The following CSTB variants were observed in gnomAD, a reference collection of about 807,000 sequenced individuals.
CSTB encodes cystatin-B.
CSTB carries 8 observed loss-of-function variants against 7.6 expected under a neutral mutation model. That is an observed-to-expected ratio of 1.05 (90% CI 0.62 to 1.89). The LOEUF (loss-of-function observed/expected upper bound fraction) is 1.89. Ranked by LOEUF, CSTB falls within the 40% of genes most tolerant of loss-of-function variation. The pLI is 0.00. For missense variants in CSTB, 124 were observed against 126.4 expected (o/e 0.98, Z 0.09); for synonymous variants, 56 against 55.3 (o/e 1.01, Z -0.06).
intron 2 of CSTB, 142 bp downstream of exon 2, chr21:43,774,516 G>T: frequency 1.8e-6 from 2 of 1,130,508 alleles, no homozygotes; most frequent in East Asian, 2.4e-5. Flanking sequence ...CTGAAAGGCC[G>T]ATGGACACAC....
chr21:43,774,370 G>A (rs770886255), intron 2 of CSTB, 40 bp from the exon 3 acceptor site: 5 of 1,613,736 alleles, frequency 3.1e-6, no homozygotes, highest in African/African-American at 2.7e-5. Context: ...CTGATCCCAA[G>A]TCACCTTGCT....
At chr21:43,776,083 C>G in intron 1 of CSTB, 121 bp downstream of exon 1, 1 of 939,794 alleles carries the variant, frequency 1.1e-6, no homozygotes, top group African/African-American at 1.8e-5. Context: ...ACGGCCACAG[C>G]CCGGGCCAGC....
Position 43,774,226 on chromosome 21 carries a change from C to T in CSTB, c.273G>A (p.Lys91=), listed in dbSNP as rs540215875. ...ATCAGAAATAGGTCAGCTCATCATG[C>T]TTGGCTTTGTTGGTCTGGTAGTTAG... ...TLSNYQTNKA[K]HDELTYF Residue 91 remains lysine (K), a synonymous_variant, in exon 3 of 3, where the codon AAG becomes AAA. Transcript: ENST00000291568. 1.2e-6 allele frequency: 2 copies of T among 1,614,210 alleles called. No homozygotes were observed. Among genetic ancestry groups the T allele is most frequent in the African/African-American group, 2.7e-5 (2 of 75,054 alleles).
In CSTB at chr21:43,774,289, G is replaced by A. The variant is rs1569005524; in HGVS notation, c.210C>T (p.Phe70=). 1.9e-6 allele frequency: 3 copies of A among 1,614,186 alleles called. No homozygotes were observed. Among genetic ancestry groups the A allele is most frequent in the Non-Finnish European group, 1.7e-6 (2 of 1,180,038 alleles). ...GDEDFVHLRV[F]QSLPHENKPL... The stretch of plus-strand genomic sequence containing the variant: ...GCTTGTTTTCATGAGGGAGAGATTG[G>A]AACACTCGCAGGTGTACGAAGTCCT... The change falls in exon 3 of 3, where the codon TTC becomes TTT. Residue 70 remains phenylalanine, a synonymous_variant. Transcript: ENST00000291568.
rs2084002305 is a variant in CSTB at position 43,774,763 on chromosome 21, G to C, written c.67-4C>G. 1 of 1,606,978 alleles carries C rather than the reference G, an allele frequency of 6.2e-7. No homozygotes were observed. The highest frequency in any genetic ancestry group is 8.5e-7 in the Non-Finnish European group (1 of 1,173,606). On this transcript the variant is annotated splice_polypyrimidine_tract_variant and splice_region_variant and intron_variant, in intron 1 of 2. Coordinates refer to ENST00000291568, the MANE Select transcript of CSTB (RefSeq NM_000100.4). ...TCTCTTCAAGCTGGGACCTCACCTA[G>C]ACAGAAGGGACAGAATGAGGATGTC...
intron 1 of CSTB, chr21:43,775,944 T>C: frequency 2.3e-6 from 1 of 431,280 alleles, no homozygotes. Flanking sequence ...GACCGCACCC[T>C]GCTCCGGGCT....
Position 43,774,054 on chromosome 21 carries a change from G to T in CSTB, c.*148C>A. The T allele has an allele frequency of 2.2e-6, 2 of 903,680 alleles. No homozygotes were observed. Among genetic ancestry groups the T allele is most frequent in the African/African-American group, 1.7e-5 (1 of 60,366 alleles). 56.0% of individuals were successfully genotyped at this position (903,680 alleles called of 1,614,324 possible). A position where few individuals can be genotyped will look rare whatever the true frequency, so the allele number is the denominator to read the frequency against. ...CACAATGAAATTTAGGAAGAGAAAT[G>T]CAAAAGCAGCTGCAGAATCCTGCCC... On this transcript the variant is annotated 3_prime_UTR_variant, in exon 3 of 3. Coordinates refer to ENST00000291568, the MANE Select transcript of CSTB (RefSeq NM_000100.4).
At chr21:43,776,080 C>T in intron 1 of CSTB, 124 bp downstream of exon 1, 1 of 883,174 alleles carries the variant, frequency 1.1e-6, no homozygotes, top group Non-Finnish European at 1.6e-6. Flanking sequence ...CTCACGGCCA[C>T]AGCCCGGGCC....
chr21:43,774,885 C>G lies in CSTB; in HGVS notation c.67-126G>C. Reference sequence around the variant, plus strand: ...TGGCTCTTCACACAATTGTCTCTTACAACTGAAGGGACATTTAAACTGTCA... The same window carrying G: ...TGGCTCTTCACACAATTGTCTCTTAGAACTGAAGGGACATTTAAACTGTCA... On this transcript the variant is annotated intron_variant, in intron 1 of 2. Transcript: ENST00000291568. 3 of 756,568 alleles carry G rather than the reference C, an allele frequency of 4.0e-6. No individual in the cohort carries two copies. The South Asian group carries it at 4.2e-5, about 11-fold the overall frequency. 46.9% of individuals were successfully genotyped at this position (756,568 alleles called of 1,614,324 possible).
At chr21:43,775,022 G>C (rs563722722) in intron 1 of CSTB, 96 of 512,114 alleles carry the variant, frequency 1.9e-4, no homozygotes, top group Non-Finnish European at 2.8e-4. Context: ...TCAGGAGTTT[G>C]AGACCAGCCT....
Position 43,774,195 on chromosome 21 carries a change from G to C in CSTB, c.*7C>G, listed in dbSNP as rs201576714. On this transcript the variant is annotated 3_prime_UTR_variant, in exon 3 of 3. Transcript: ENST00000291568. ...TTCTGGCTGAAGGGCCTTGTCCAAA[G>C]TCAGGATCAGAAATAGGTCAGCTCA... is the stretch of plus-strand genomic sequence containing the variant. The C allele has an allele frequency of 2.7e-4, 430 of 1,614,226 alleles. 4 individuals are homozygous for C. The African/African-American group carries it at 5.1e-3, about 19-fold the overall frequency.
At chr21:43,776,079 A>G (rs2084008494) in intron 1 of CSTB, 125 bp downstream of exon 1, 2 of 878,030 alleles carry the variant, frequency 2.3e-6, no homozygotes, top group African/African-American at 3.6e-5. Flanking sequence ...TCTCACGGCC[A>G]CAGCCCGGGC....
Position 43,776,219 on chromosome 21 carries a change from C to A in CSTB, c.51G>T (p.Gln17His). 1 of 1,533,036 alleles carries A rather than the reference C, an allele frequency of 6.5e-7. No homozygotes were observed. The highest frequency in any genetic ancestry group is 2.5e-5 in the East Asian group (1 of 40,252). The allele number at this position is 1,533,036 out of a possible 1,614,324, so 95.0% of individuals were successfully genotyped here. The change falls in exon 1 of 3, where the codon CAG becomes CAT. Residue 17 changes from glutamine (Q) to histidine (H), a missense_variant. Gln to His is a conservative substitution (Grantham distance 24). Coordinates refer to ENST00000291568, the MANE Select transcript of CSTB (RefSeq NM_000100.4). Reference sequence around the variant, plus strand: ...GCCCACCCACCTGGTCGGCGATGTGCTGGGTCTCGGCGGTGGCCGGCTGCG... The same window carrying A: ...GCCCACCCACCTGGTCGGCGATGTGATGGGTCTCGGCGGTGGCCGGCTGCG... ...SATQPATAET[Q>H]HIADQVRSQL...
intron 1 of CSTB, chr21:43,775,154 C>T (rs780010478): frequency 9.2e-6 from 3 of 326,714 alleles, no homozygotes; most frequent in South Asian, 5.0e-5. Context: ...ACCTGGGAAG[C>T]GGAGGTTGCA....
rs2083998715 is a variant in CSTB, at chr21:43,774,196, T to C, written c.*6A>G. Reference sequence around the variant, plus strand: ...TCTGGCTGAAGGGCCTTGTCCAAAGTCAGGATCAGAAATAGGTCAGCTCAT... The same window carrying C: ...TCTGGCTGAAGGGCCTTGTCCAAAGCCAGGATCAGAAATAGGTCAGCTCAT... On this transcript the variant is annotated 3_prime_UTR_variant, in exon 3 of 3. Transcript: ENST00000291568. The C allele has an allele frequency of 1.2e-6, 2 of 1,614,054 alleles. No individual in the cohort carries two copies. The highest frequency in any genetic ancestry group is 1.7e-6 in the Non-Finnish European group (2 of 1,180,036).
chr21:43,774,550 G>T, intron 2 of CSTB, 108 bp downstream of exon 2: 1 of 1,160,480 alleles, frequency 8.6e-7, no homozygotes, highest in Non-Finnish European at 1.3e-6. Context: ...TATCTCAGGG[G>T]GCAGCCACAG....
Position 43,774,766 on chromosome 21 carries a change from A to G in CSTB, c.67-7T>C. 1 of 1,607,402 alleles carries G rather than the reference A, an allele frequency of 6.2e-7. No homozygotes were observed. Among genetic ancestry groups the G allele is most frequent in the Non-Finnish European group, 8.5e-7 (1 of 1,173,966 alleles). Reference sequence around the variant, plus strand: ...CTTCAAGCTGGGACCTCACCTAGACAGAAGGGACAGAATGAGGATGTCTCA... The same window carrying G: ...CTTCAAGCTGGGACCTCACCTAGACGGAAGGGACAGAATGAGGATGTCTCA... On this transcript the variant is annotated splice_polypyrimidine_tract_variant and splice_region_variant and intron_variant, in intron 1 of 2. Transcript: ENST00000291568.
At position 43,774,266 on chromosome 21, in the gene CSTB, T is replaced by C; in HGVS notation, c.233A>G (p.Lys78Arg). Residue 78 changes from lysine (K) to arginine (R), a missense_variant, in exon 3 of 3, where the codon AAG becomes AGG. Coordinates refer to ENST00000291568, the MANE Select transcript of CSTB (RefSeq NM_000100.4). ...CTGGTAGTTAGATAAGGTCAAGGGC[T>C]TGTTTTCATGAGGGAGAGATTGGAA... Reference protein sequence around the residue: ...RVFQSLPHENKPLTLSNYQTN... With the variant: ...RVFQSLPHENRPLTLSNYQTN... 1 of 1,614,228 alleles carries C rather than the reference T, an allele frequency of 6.2e-7. No homozygotes were observed.
In CSTB at chr21:43,774,665, A is replaced by C; in HGVS notation, c.161T>G (p.Phe54Cys). 6.2e-7 allele frequency: 1 copy of C among 1,613,396 alleles called. No individual in the cohort carries two copies. The highest frequency in any genetic ancestry group is 1.1e-5 in the South Asian group (1 of 91,068). Residue 54 changes from phenylalanine to cysteine, a missense_variant, in exon 2 of 3, where the codon TTC becomes TGC. Phe to Cys is a radical substitution (Grantham distance 205, BLOSUM62 -2). Transcript: ENST00000291568. Reference protein sequence around the residue: ...KSQVVAGTNYFIKVHVGDEDF... With the variant: ...KSQVVAGTNYCIKVHVGDEDF... ...CTGAGGCCCACACTCTACCTTGATG[A>C]AGTAGTTTGTCCCCGCGACCACCTG...
Sources: allele counts gnomAD v4.1 joint callset, GRCh38; gene constraint gnomAD v4.1.1; transcripts MANE v1.5; gene names NCBI Gene and HGNC (gene_info 2026-07-23, HGNC 2026-07-21).